Variants in WDR25 observed in about 807,000 individuals in gnomAD.
WDR25 encodes the protein WD repeat domain 25.
A neutral mutation model predicts 47.7 loss-of-function variants in WDR25; 35 were observed. The ratio of observed to expected loss-of-function variants is 0.73; its 90% CI spans 0.56 to 0.97. WDR25 has a LOEUF of 0.97. Ranked by LOEUF, WDR25 falls within the 50% of genes least tolerant of loss-of-function variation. WDR25 has a pLI of 0.00. For missense variants in WDR25, 634 were observed against 704.7 expected (o/e 0.90, Z 1.14); for synonymous variants, 248 against 278.9 (o/e 0.89, Z 1.10).
intron 2 of WDR25, among the ~76,000 whole-genome samples, chr14:100,464,056 G>A (rs1220768029): frequency 6.6e-6 from 1 of 151,992 alleles, no homozygotes; most frequent in African/African-American, 2.4e-5. Flanking sequence ...ATTCCCCTCC[G>A]TTCCACCTGC....
chr14:100,463,888 C>T (rs1487119969), intron 2 of WDR25, among the ~76,000 whole-genome samples: 2 of 152,154 alleles, frequency 1.3e-5, no homozygotes. Flanking sequence ...CCCTCCAAGG[C>T]AGGCCACTTC....
At chr14:100,459,894 G>GTGTGTATATATA (rs1172584092) in intron 2 of WDR25, among the ~76,000 whole-genome samples, 2 of 78,278 alleles carry the variant, frequency 2.6e-5, no homozygotes, top group African/African-American at 4.7e-5. Flanking sequence ...GTGTGTGTGT[G>GTGTGTATATATA]TATATATATA....
intron 3 of WDR25, among the ~76,000 whole-genome samples, chr14:100,469,022 C>T (rs1157634452): frequency 6.6e-6 from 1 of 152,170 alleles, no homozygotes; most frequent in African/African-American, 2.4e-5. Flanking sequence ...TACCTCCTCC[C>T]CAGAGCTCCT....
chr14:100,441,960 CT>C (rs1898684046), intron 2 of WDR25, among the ~76,000 whole-genome samples: 1 of 152,190 alleles, frequency 6.6e-6, no homozygotes, highest in African/African-American at 2.4e-5. Flanking sequence ...AAAGCAGTTG[CT>C]CAGGGTCACA....
intron 4 of WDR25, among the ~76,000 whole-genome samples, chr14:100,519,233 T>A (rs1901612501): frequency 1.3e-5 from 2 of 150,120 alleles, no homozygotes; most frequent in Admixed American, 1.3e-4. Context: ...TTGTCCAGAG[T>A]TTTTTTGTGT....
intron 4 of WDR25, among the ~76,000 whole-genome samples, chr14:100,497,692 G>A (rs748675417): frequency 1.3e-5 from 2 of 152,132 alleles, no homozygotes; most frequent in African/African-American, 2.4e-5. Context: ...GCCTCAGGTC[G>A]ATTTTGAACA....
In WDR25 at chr14:100,425,532, G is replaced by A. The variant is rs916368256; in HGVS notation, c.823-42489G>A. Among the ~76,000 whole-genome samples the A allele has an allele frequency of 6.6e-6, 1 of 152,154 alleles. No individual in the cohort carries two copies. The highest frequency in any genetic ancestry group is 1.5e-5 in the Non-Finnish European group (1 of 68,026). ...GGGAAAGATACCCGGGACAGAACCC[G>A]ACTTTTGCACGTTACAGTAGAGGTC... is the stretch of plus-strand genomic sequence containing the variant. On this transcript the variant is annotated intron_variant, in intron 2 of 6. Coordinates refer to ENST00000402312, the MANE Select transcript of WDR25 (RefSeq NM_001161476.3). This position sits in a 1 kb window ranked among gnomAD's most constrained non-coding sequence, Gnocchi z 4.8.
chr14:100,461,107 G>A (rs949214916), intron 2 of WDR25, among the ~76,000 whole-genome samples: 1 of 152,202 alleles, frequency 6.6e-6, no homozygotes, highest in Non-Finnish European at 1.5e-5. Flanking sequence ...CCAGCTCCTC[G>A]GAAGGCTGAG....
At chr14:100,390,936 G>T (rs192599131) in intron 2 of WDR25, among the ~76,000 whole-genome samples, 2 of 152,240 alleles carry the variant, frequency 1.3e-5, no homozygotes, top group Admixed American at 1.3e-4. Flanking sequence ...AGAACGGGCC[G>T]GCACTTCGTT....
At chr14:100,484,366 C>G (rs766079864) in intron 4 of WDR25, among the ~76,000 whole-genome samples, 3 of 152,126 alleles carry the variant, frequency 2.0e-5, no homozygotes, top group Non-Finnish European at 2.9e-5. Flanking sequence ...TGTTGAACAC[C>G]TACTGTGCAC....
At chr14:100,497,154 A>G (rs541748599) in intron 4 of WDR25, among the ~76,000 whole-genome samples, 18 of 152,228 alleles carry the variant, frequency 1.2e-4, no homozygotes, top group Non-Finnish European at 2.5e-4. Flanking sequence ...TTTATGGCCC[A>G]GAATATAGCC....
rs141077469 is a variant in WDR25, at chr14:100,408,671, A to G, written c.822+26925A>G. The stretch of plus-strand genomic sequence containing the variant: ...TTTGGTGACTCATCAGACCTTCTCC[A>G]AAGACTTGTGATATTTTTCTCCTCT... On this transcript the variant is annotated intron_variant, in intron 2 of 6. Transcript: ENST00000402312. 2.9e-4 allele frequency among the ~76,000 whole-genome samples: 44 copies of G among 152,332 alleles called. 1 individual carries two copies. In the East Asian group the frequency reaches 7.1e-3, roughly 25 times the overall value.
At chr14:100,508,639 C>T (rs1901198224) in intron 4 of WDR25, among the ~76,000 whole-genome samples, 1 of 152,068 alleles carries the variant, frequency 6.6e-6, no homozygotes, top group African/African-American at 2.4e-5. Context: ...ACTTTCGGTA[C>T]AATACTGAAT....
At chr14:100,444,636 T>A (rs1384055964) in intron 2 of WDR25, among the ~76,000 whole-genome samples, 1 of 152,208 alleles carries the variant, frequency 6.6e-6, no homozygotes, top group Non-Finnish European at 1.5e-5. Context: ...AAGTTCTGGG[T>A]TGGGCCTTTG....
In WDR25 at chr14:100,498,121, G is replaced by C. The variant is rs373557046; in HGVS notation, c.1101+13997G>C. Among the ~76,000 whole-genome samples the C allele has an allele frequency of 1.3e-5, 2 of 152,264 alleles. No individual in the cohort carries two copies. Among genetic ancestry groups the C allele is most frequent in the African/African-American group, 4.8e-5 (2 of 41,468 alleles). On this transcript the variant is annotated intron_variant, in intron 4 of 6. Transcript: ENST00000402312. This position sits in a 1 kb window ranked among gnomAD's most constrained non-coding sequence, Gnocchi z 4.2. Reference sequence around the variant, plus strand: ...AACAAATAGATTCCCAGTTTCAGGAGTGTGTTGATGGCTGTGTGATTTTAA... The same window carrying C: ...AACAAATAGATTCCCAGTTTCAGGACTGTGTTGATGGCTGTGTGATTTTAA...
chr14:100,417,392 G>A (rs1020743532), intron 2 of WDR25, among the ~76,000 whole-genome samples: 8 of 152,224 alleles, frequency 5.3e-5, no homozygotes, highest in African/African-American at 1.9e-4. Context: ...CAGATCCAAG[G>A]TGGTCAGGCG....
chr14:100,517,106 G>GTTTTTTT lies in WDR25; in HGVS notation c.1102-8743_1102-8737dup, dbSNP rs796096587. On this transcript the variant is annotated intron_variant, in intron 4 of 6. Coordinates refer to ENST00000402312, the MANE Select transcript of WDR25 (RefSeq NM_001161476.3). ...CCACTGCACCTGACATATCTCCTCT[G>GTTTTTTT]TTTTTTTTTTTTTTTTTTTTTTTTT... is the stretch of plus-strand genomic sequence containing the variant. Among the ~76,000 whole-genome samples the GTTTTTTT allele has an allele frequency of 6.1e-5, 4 of 65,892 alleles. 1 individual carries two copies. Among genetic ancestry groups the GTTTTTTT allele is most frequent in the African/African-American group, 2.9e-4 (4 of 13,882 alleles). The allele number at this position is 65,892 out of a possible 152,430, so 43.2% of individuals were successfully genotyped here.
At chr14:100,393,839 G>A (rs1428918530) in intron 2 of WDR25, among the ~76,000 whole-genome samples, 1 of 152,188 alleles carries the variant, frequency 6.6e-6, no homozygotes, top group Non-Finnish European at 1.5e-5. Context: ...TCAGGGCCAA[G>A]ATGGTGGCTG....
At chr14:100,495,875 A>T (rs1401381411) in intron 4 of WDR25, among the ~76,000 whole-genome samples, 1 of 152,208 alleles carries the variant, frequency 6.6e-6, no homozygotes, top group East Asian at 1.9e-4. Flanking sequence ...TCTCTAGGTG[A>T]TGGACGTTTG....
Sources: allele counts gnomAD v4.1 joint callset (sites outside exome capture counted in the v4.1 genomes callset), GRCh38; gene constraint gnomAD v4.1.1; non-coding constraint Gnocchi (gnomAD v3.1); transcripts MANE v1.5; gene names NCBI Gene and HGNC (gene_info 2026-07-23, HGNC 2026-07-21).